Variants in ADAM12 observed in about 807,000 individuals in gnomAD.
The protein encoded by ADAM12 is disintegrin and metalloproteinase domain-containing protein 12.
Under a neutral mutation model 106.4 loss-of-function variants are expected in ADAM12, and 70 were observed. That is an observed-to-expected ratio of 0.66 (90% CI 0.54 to 0.80). The LOEUF is 0.80. ADAM12 is among the 30% of genes least tolerant of loss of function. ADAM12 has a pLI of 0.00. For missense variants in ADAM12, 1,010 were observed against 1,171.9 expected (o/e 0.86, Z 2.02); for synonymous variants, 420 against 433.5 (o/e 0.97, Z 0.39).
chr10:126,181,072 A>AT (rs35075200), intron 3 of ADAM12, among the ~76,000 whole-genome samples: 14,381 of 140,698 alleles, frequency 0.1, 1,435 homozygotes, highest in African/African-American at 0.25. Context: ...CTACATAGGG[A>AT]TTTTTTTTTT....
rs548132851 is a variant in ADAM12 at position 126,026,816 on chromosome 10, G to C, written c.2530-6991C>G. On this transcript the variant is annotated intron_variant, in intron 21 of 22. Transcript: ENST00000448723. ...ACTAAATGCCCACATCAAAAAGCTAGAAAGATAAAGTTAACAAAGTTAACA... is the reference window on the plus strand; with the variant it reads ...ACTAAATGCCCACATCAAAAAGCTACAAAGATAAAGTTAACAAAGTTAACA... Among the ~76,000 whole-genome samples the C allele has an allele frequency of 7.9e-5, 12 of 152,086 alleles. 1 individual carries two copies. The South Asian group carries it at 2.5e-3, about 32-fold the overall frequency.
intron 3 of ADAM12, among the ~76,000 whole-genome samples, chr10:126,170,570 C>CA (rs1262672217): frequency 1.3e-5 from 2 of 151,824 alleles, no homozygotes; most frequent in Non-Finnish European, 2.9e-5. Flanking sequence ...CAGGAGGATC[C>CA]AAAAAAAGCC....
intron 4 of ADAM12, among the ~76,000 whole-genome samples, chr10:126,136,275 C>T (rs1186006271): frequency 1.3e-5 from 2 of 152,162 alleles, no homozygotes; most frequent in African/African-American, 4.8e-5. Context: ...TCACAGCTTA[C>T]AAAAAGAAAC....
intron 3 of ADAM12, among the ~76,000 whole-genome samples, chr10:126,217,083 A>G (rs1958000897): frequency 6.6e-6 from 1 of 152,222 alleles, no homozygotes. Context: ...TAATAAAACA[A>G]TGTTTAATTA....
At chr10:126,061,683 G>C (rs560209159) in intron 14 of ADAM12, among the ~76,000 whole-genome samples, 1 of 152,266 alleles carries the variant, frequency 6.6e-6, no homozygotes, top group Admixed American at 6.5e-5. Flanking sequence ...TGCAGATGCT[G>C]TGCTGTTGGC....
At chr10:126,371,458 G>A (rs1472564858) in intron 1 of ADAM12, among the ~76,000 whole-genome samples, 1 of 152,206 alleles carries the variant, frequency 6.6e-6, no homozygotes, top group Non-Finnish European at 1.5e-5. Context: ...GAAAGATTCA[G>A]ATGAACAATC....
intron 1 of ADAM12, 77 bp from the exon 2 acceptor site, chr10:126,330,586 G>A: frequency 8.0e-7 from 1 of 1,253,424 alleles, no homozygotes; most frequent in Non-Finnish European, 1.1e-6. Flanking sequence ...TTACATAAAT[G>A]ACACAGTGAA....
At chr10:126,315,435 T>G (rs1853824755) in intron 2 of ADAM12, among the ~76,000 whole-genome samples, 1 of 152,210 alleles carries the variant, frequency 6.6e-6, no homozygotes, top group Non-Finnish European at 1.5e-5. Context: ...TCTTTTGTAT[T>G]TGACTTAAGG....
At position 126,319,837 on chromosome 10, in the gene ADAM12, A is replaced by G. The variant is rs190773822; in HGVS notation, c.186+10575T>C. On this transcript the variant is annotated intron_variant, in intron 2 of 22. Transcript: ENST00000448723. Reference sequence around the variant, plus strand: ...AAATTAAAAATTGTTCTTATATAAAAAGCTTATTTTTAAAGATCTAGCAAG... The same window carrying G: ...AAATTAAAAATTGTTCTTATATAAAGAGCTTATTTTTAAAGATCTAGCAAG... Among the ~76,000 whole-genome samples, 261 of 152,272 alleles carry G rather than the reference A, an allele frequency of 1.7e-3. 2 individuals carry two copies. Among genetic ancestry groups the G allele is most frequent in the African/African-American group, 6.1e-3 (252 of 41,566 alleles).
Position 126,252,136 on chromosome 10 carries a change from AGGATGGATGGGT to A in ADAM12, c.260+26767_260+26778del, listed in dbSNP as rs1565169264. On this transcript the variant is annotated intron_variant, in intron 3 of 22. Transcript: ENST00000448723. ...GGATGGGATGGATGGATGGATGGACAGGATGGATGGGTGGATGGATGGGATGGATGGATGATG... is the reference window on the plus strand; with the variant it reads ...GGATGGGATGGATGGATGGATGGACAGGATGGATGGGATGGATGGATGATG... Among the ~76,000 whole-genome samples the A allele has an allele frequency of 5.1e-5, 7 of 137,390 alleles. No individual in the cohort carries two copies. The South Asian group carries it at 1.6e-3, about 30-fold the overall frequency. 90.1% of individuals were successfully genotyped at this position (137,390 alleles called of 152,430 possible).
At chr10:126,346,446 G>A (rs930955566) in intron 1 of ADAM12, among the ~76,000 whole-genome samples, 1 of 152,276 alleles carries the variant, frequency 6.6e-6, no homozygotes, top group African/African-American at 2.4e-5. Context: ...TTCCAACTAT[G>A]TGGTCAATTT....
At chr10:126,246,358 G>A (rs749563640) in intron 3 of ADAM12, among the ~76,000 whole-genome samples, 15 of 152,148 alleles carry the variant, frequency 9.9e-5, no homozygotes, top group Non-Finnish European at 7.4e-5. Context: ...AATAGCCATA[G>A]ACAACCTAAG....
chr10:126,215,585 C>T (rs1448125370), intron 3 of ADAM12, among the ~76,000 whole-genome samples: 3 of 152,060 alleles, frequency 2.0e-5, no homozygotes, highest in Admixed American at 2.0e-4. Context: ...AAAAGTGATA[C>T]ATGATAGGTA....
At chr10:126,244,303 A>G (rs1958587397) in intron 3 of ADAM12, among the ~76,000 whole-genome samples, 1 of 152,218 alleles carries the variant, frequency 6.6e-6, no homozygotes, top group African/African-American at 2.4e-5. Context: ...CCGAGGGTTC[A>G]TGCTTGGGTC....
rs1486391489 is a variant in ADAM12 at position 126,014,320 on chromosome 10, T to TTG, written c.*2958_*2959insCA. On this transcript the variant is annotated 3_prime_UTR_variant, in exon 23 of 23. Transcript: ENST00000448723. ...TTGACACAGTTTTAGCCGGTTTTTT[T>TTG]TTTTTTTTTTTTTTTTTGAGGATGC... 6.9e-6 allele frequency: 1 copy of TTG among 144,562 alleles called. No individual in the cohort carries two copies. The highest frequency in any genetic ancestry group is 2.0e-4 in the East Asian group (1 of 4,950). The allele number at this position is 144,562 out of a possible 1,614,324, so 9.0% of individuals were successfully genotyped here.
At chr10:126,273,177 T>G (rs1218065784) in intron 3 of ADAM12, 1 of 153,604 alleles carries the variant, frequency 6.5e-6, no homozygotes. Context: ...CTTTAATGAC[T>G]GATGAAAGAA....
intron 18 of ADAM12, among the ~76,000 whole-genome samples, chr10:126,040,403 C>T (rs952858675): frequency 2.0e-5 from 3 of 152,186 alleles, no homozygotes; most frequent in African/African-American, 7.2e-5. Context: ...CTCTCCTCGG[C>T]CCTGCCTCCC....
chr10:126,282,873 G>A (rs1367940740), intron 2 of ADAM12, among the ~76,000 whole-genome samples: 1 of 152,086 alleles, frequency 6.6e-6, no homozygotes, highest in Non-Finnish European at 1.5e-5. Context: ...TGGGGCTGGG[G>A]GTGGGGGATG....
At chr10:126,308,270 C>T (rs1048624972) in intron 2 of ADAM12, among the ~76,000 whole-genome samples, 8 of 152,208 alleles carry the variant, frequency 5.3e-5, no homozygotes, top group Non-Finnish European at 1.2e-4. Flanking sequence ...CTTTAGCTTT[C>T]TTGCCCATGC....
Sources: allele counts gnomAD v4.1 joint callset (sites outside exome capture counted in the v4.1 genomes callset), GRCh38; gene constraint gnomAD v4.1.1; transcripts MANE v1.5; gene names NCBI Gene and HGNC (gene_info 2026-07-23, HGNC 2026-07-21).